BDNF: variants seen among roughly 807,000 people sequenced by gnomAD.
The protein encoded by BDNF is neurotrophic factor BDNF precursor form.
Under a neutral mutation model 19.5 loss-of-function variants are expected in BDNF, and 1 was observed. That is an observed-to-expected ratio of 0.05 (90% CI 0.02 to 0.24). The LOEUF is 0.24. BDNF is among the 10% of genes least tolerant of loss of function. BDNF has a pLI of 1.00. For missense variants in BDNF, 195 were observed against 317.6 expected (o/e 0.61, Z 2.93); for synonymous variants, 100 against 121.6 (o/e 0.82, Z 1.17).
chr11:27,657,769 CAA>C lies in BDNF; in HGVS notation c.*50_*51del. Reference sequence around the variant, plus strand: ...TAATTTACCCTGTTATGTATATATACAAATAGATAATTTTTGTCTCAATATAA... The same window carrying C: ...TAATTTACCCTGTTATGTATATATACATAGATAATTTTTGTCTCAATATAA... On this transcript the variant is annotated 3_prime_UTR_variant, in exon 2 of 2. Transcript: ENST00000356660. The surrounding 1 kb of genome is among the most constrained non-coding windows in gnomAD (Gnocchi z 5.0). The C allele has an allele frequency of 6.2e-7, 1 of 1,601,678 alleles. No individual in the cohort carries two copies. Among genetic ancestry groups the C allele is most frequent in the Non-Finnish European group, 8.5e-7 (1 of 1,170,876 alleles).
At chr11:27,674,013 G>A in intron 1 of BDNF, 3 of 1,490,584 alleles carry the variant, frequency 2.0e-6, no homozygotes, top group East Asian at 2.4e-5. Flanking sequence ...AATCTTGGGG[G>A]AAAGATAAAA....
rs201468555 is a variant in BDNF, at chr11:27,658,102, T to A, written c.463A>T (p.Thr155Ser). The A allele has an allele frequency of 3.2e-5, 51 of 1,614,022 alleles. No individual in the cohort carries two copies. Among genetic ancestry groups the A allele is most frequent in the Non-Finnish European group, 1.4e-5 (16 of 1,180,028 alleles). Residue 155 changes from threonine to serine, a missense_variant, in exon 2 of 2, where the codon ACT (threonine) becomes TCT (serine). Thr to Ser is a moderately conservative substitution (Grantham distance 58, BLOSUM62 1). Coordinates refer to ENST00000356660, the MANE Select transcript of BDNF (RefSeq NM_001709.5). This position sits in a 1 kb window ranked among gnomAD's most constrained non-coding sequence, Gnocchi z 5.7. ...GTCCCGCCCGACATGTCCACTGCAG[T>A]CTTTTTGTCTGCCGCCGTTACCCAC... ...SEWVTAADKK[T>S]AVDMSGGTVT...
intron 1 of BDNF, among the ~76,000 whole-genome samples, chr11:27,688,083 C>G (rs61888762): frequency 0.27 from 41,296 of 152,126 alleles, 5,925 homozygotes; most frequent in South Asian, 0.35. Flanking sequence ...GGGGCTGCTG[C>G]CTTTCTTTCC....
At position 27,657,220 on chromosome 11, in the gene BDNF, T is replaced by A; in HGVS notation, c.*601A>T. On this transcript the variant is annotated 3_prime_UTR_variant, in exon 2 of 2. Coordinates refer to ENST00000356660, the MANE Select transcript of BDNF (RefSeq NM_001709.5). This position sits in a 1 kb window ranked among gnomAD's most constrained non-coding sequence, Gnocchi z 5.0. ...ATTCTTTCCCCATCTCTACTCCCTG[T>A]GGGAACTAAAAAACAAAACAAACAA... is the stretch of plus-strand genomic sequence containing the variant. The A allele has an allele frequency of 6.1e-6, 6 of 985,232 alleles. No homozygotes were observed. The highest frequency in any genetic ancestry group is 7.2e-6 in the Non-Finnish European group (6 of 829,304). 61.0% of individuals were successfully genotyped at this position (985,232 alleles called of 1,614,324 possible).
At position 27,658,461 on chromosome 11, in the gene BDNF, G is replaced by A; in HGVS notation, c.104C>T (p.Pro35Leu). The A allele has an allele frequency of 6.2e-7, 1 of 1,614,150 alleles. No homozygotes were observed. The highest frequency in any genetic ancestry group is 8.5e-7 in the Non-Finnish European group (1 of 1,180,038). ...CAGAGTCCCATGGGTCCGCACACCTGGGTAGGCCAAGCCACCTTGTCCTCG... is the reference window on the plus strand; with the variant it reads ...CAGAGTCCCATGGGTCCGCACACCTAGGTAGGCCAAGCCACCTTGTCCTCG... Reference protein sequence around the residue: ...NIRGQGGLAYPGVRTHGTLES... With the variant: ...NIRGQGGLAYLGVRTHGTLES... Residue 35 changes from proline (P) to leucine (L), a missense_variant, in exon 2 of 2, where the codon CCA (proline) becomes CTA (leucine). By Grantham distance (98) the Pro-to-Leu change is moderately conservative. Transcript: ENST00000356660. This position sits in a 1 kb window ranked among gnomAD's most constrained non-coding sequence, Gnocchi z 5.7.
chr11:27,681,079 C>T (rs1193271188), intron 1 of BDNF, among the ~76,000 whole-genome samples: 3 of 152,142 alleles, frequency 2.0e-5, no homozygotes, highest in Non-Finnish European at 4.4e-5. Flanking sequence ...AGAATATTCC[C>T]CTGAAAGTGT....
At chr11:27,703,343 AAACTTT>A (rs1859987469), upstream of BDNF, among the ~76,000 whole-genome samples, 3 of 152,358 alleles carry the variant, frequency 2.0e-5, no homozygotes, top group South Asian at 6.2e-4. Context: ...ACCCTACTCC[AAACTTT>A]AACTTTGTTA....
intron 1 of BDNF, among the ~76,000 whole-genome samples, chr11:27,715,661 T>C (rs147682571): frequency 1.3e-5 from 2 of 152,314 alleles, no homozygotes; most frequent in East Asian, 3.9e-4. Flanking sequence ...TCTGATGCCC[T>C]AGTGGAGTTT....
chr11:27,678,499 C>T (rs1385483942), intron 1 of BDNF, among the ~76,000 whole-genome samples: 1 of 152,206 alleles, frequency 6.6e-6, no homozygotes, highest in Admixed American at 6.5e-5. Flanking sequence ...TCTGCCATTG[C>T]ATACACTGCA....
intron 1 of BDNF, among the ~76,000 whole-genome samples, chr11:27,661,997 CTTGTT>C (rs78500263): frequency 0.54 from 81,862 of 151,376 alleles, 25,164 homozygotes; most frequent in East Asian, 0.75. Context: ...TCCCTTCTCA[CTTGTT>C]TTGTTTTGTT....
intron 1 of BDNF, among the ~76,000 whole-genome samples, chr11:27,685,666 A>T (rs1857388160): frequency 6.6e-6 from 1 of 152,196 alleles, no homozygotes; most frequent in South Asian, 2.1e-4. Context: ...CTCAGTAGTC[A>T]TTCAGGAGCA....
intron 1 of BDNF, among the ~76,000 whole-genome samples, chr11:27,687,390 T>A (rs530843868): frequency 1.3e-5 from 2 of 152,258 alleles, no homozygotes; most frequent in South Asian, 2.1e-4. Flanking sequence ...TTTTACCCAC[T>A]TTCTGAAGCA....
chr11:27,678,741 C>T (rs1856495871), intron 1 of BDNF, among the ~76,000 whole-genome samples: 1 of 152,042 alleles, frequency 6.6e-6, no homozygotes, highest in Non-Finnish European at 1.5e-5. Context: ...AAAAGTCTCC[C>T]TAGAGGACCT....
chr11:27,655,079 T>G lies in BDNF; in HGVS notation c.*2742A>C, dbSNP rs1326316076. 6.6e-6 allele frequency: 1 copy of G among 152,272 alleles called. No homozygotes were observed. Among genetic ancestry groups the G allele is most frequent in the African/African-American group, 2.4e-5 (1 of 41,442 alleles). The allele number at this position is 152,272 out of a possible 1,614,324, so 9.4% of individuals were successfully genotyped here. ...ATATACTAAAATACAATAAATATTG[T>G]TTTTTGTTTTACATGGTGAATAATA... On this transcript the variant is annotated 3_prime_UTR_variant, in exon 2 of 2. Transcript: ENST00000356660.
At chr11:27,684,020 A>C (rs1367019184) in intron 1 of BDNF, among the ~76,000 whole-genome samples, 3 of 152,108 alleles carry the variant, frequency 2.0e-5, no homozygotes, top group African/African-American at 7.2e-5. Flanking sequence ...CACGATATTG[A>C]TTCTTCCTAT....
chr11:27,656,937 A>G lies in BDNF; in HGVS notation c.*884T>C, dbSNP rs1234354962. On this transcript the variant is annotated 3_prime_UTR_variant, in exon 2 of 2. Coordinates refer to ENST00000356660, the MANE Select transcript of BDNF (RefSeq NM_001709.5). ...TGATTTTTCTTCCTTAAAACAAAACAAAGAGGAGACCAGAGGGGGAGGGGG... is the reference window on the plus strand; with the variant it reads ...TGATTTTTCTTCCTTAAAACAAAACGAAGAGGAGACCAGAGGGGGAGGGGG... The G allele has an allele frequency of 1.0e-6, 1 of 985,432 alleles. No individual in the cohort carries two copies. Among genetic ancestry groups the G allele is most frequent in the Non-Finnish European group, 1.2e-6 (1 of 829,948 alleles). 61.0% of individuals were successfully genotyped at this position (985,432 alleles called of 1,614,324 possible).
At chr11:27,701,294 C>G, upstream of BDNF, 2 of 1,129,132 alleles carry the variant, frequency 1.8e-6, no homozygotes, top group Non-Finnish European at 2.2e-6. Context: ...AAAACAAACC[C>G]ACCTTTTCAG....
chr11:27,668,759 G>A (rs1663772707), intron 1 of BDNF, among the ~76,000 whole-genome samples: 1 of 152,120 alleles, frequency 6.6e-6, no homozygotes, highest in Non-Finnish European at 1.5e-5. Context: ...TGAAATTGAG[G>A]CAATAATTAA....
intron 1 of BDNF, among the ~76,000 whole-genome samples, chr11:27,683,644 AC>A (rs1857126581): frequency 6.6e-6 from 1 of 152,150 alleles, no homozygotes; most frequent in Non-Finnish European, 1.5e-5. Flanking sequence ...TTTTCCCGAC[AC>A]CATTTATTAA....
Sources: gnomAD v4.1 joint callset for allele counts (sites outside exome capture counted in the v4.1 genomes callset) on GRCh38, gnomAD v4.1.1 for gene constraint, Gnocchi (gnomAD v3.1) non-coding constraint, MANE v1.5 for transcripts, NCBI Gene and HGNC (gene_info 2026-07-23, HGNC 2026-07-21) for gene names.